Variants in FAM83G observed in about 807,000 individuals in gnomAD.
The protein encoded by FAM83G is scaffolding CK1 anchoring protein G.
Under a neutral mutation model 61.5 loss-of-function variants are expected in FAM83G, and 38 were observed. That is an observed-to-expected ratio of 0.62 (90% CI 0.48 to 0.81). The LOEUF is 0.81. Ranked by LOEUF, FAM83G falls within the 30% of genes least tolerant of loss-of-function variation. FAM83G has a pLI of 0.00. For synonymous variants in FAM83G, 470 were observed against 476.1 expected (o/e 0.99, Z 0.17); for missense variants, 989 against 1,133.6 (o/e 0.87, Z 1.83).
chr17:18,978,353 T>A lies in FAM83G; in HGVS notation c.1313A>T (p.Asn438Ile). 6.3e-7 allele frequency: 1 copy of A among 1,599,536 alleles called. No individual in the cohort carries two copies. Among genetic ancestry groups the A allele is most frequent in the South Asian group, 1.1e-5 (1 of 89,454 alleles). Residue 438 changes from asparagine to isoleucine, a missense_variant, in exon 5 of 6, where the codon AAC (asparagine) becomes ATC (isoleucine). Asn to Ile is a moderately radical substitution (Grantham distance 149, BLOSUM62 -3). Coordinates refer to ENST00000388995, the MANE Select transcript of FAM83G (RefSeq NM_001039999.3). ...YINIIDPNIW[N>I]PQPSQMNRIK... ...GCGGTTCATCTGGCTGGGCTGGGGGTTCCAGATGTTGGGGTCGATGATATT... is the reference window on the plus strand; with the variant it reads ...GCGGTTCATCTGGCTGGGCTGGGGGATCCAGATGTTGGGGTCGATGATATT...
rs898774747 is a variant in FAM83G at position 18,971,010 on chromosome 17, C to T, written c.*349G>A. The T allele has an allele frequency of 1.9e-6, 3 of 1,613,894 alleles. No individual in the cohort carries two copies. The highest frequency in any genetic ancestry group is 1.7e-6 in the Non-Finnish European group (2 of 1,180,016). ...TGTCCCTGTTCCACCCTGACCCCTC[C>T]AGCTTTTGACCAGATCGGTGGTTAC... is the stretch of plus-strand genomic sequence containing the variant. On this transcript the variant is annotated 3_prime_UTR_variant, in exon 6 of 6. Transcript: ENST00000388995. This position sits in a 1 kb window ranked among gnomAD's most constrained non-coding sequence, Gnocchi z 5.5.
intron 3 of FAM83G, 69 bp downstream of exon 3, chr17:18,988,178 G>A (rs1004052708): frequency 1.1e-5 from 17 of 1,567,986 alleles, no homozygotes; most frequent in East Asian, 6.8e-5. Context: ...GCAGGTACTC[G>A]AAGTGTTTGT....
At chr17:18,984,894 C>A (rs141384248) in intron 3 of FAM83G, among the ~76,000 whole-genome samples, 10 of 152,364 alleles carry the variant, frequency 6.6e-5, no homozygotes, top group African/African-American at 2.4e-4. Context: ...CCACTGGGGC[C>A]GGCCAGGGCA....
At chr17:18,985,558 A>G (rs1290521998) in intron 3 of FAM83G, among the ~76,000 whole-genome samples, 1 of 152,130 alleles carries the variant, frequency 6.6e-6, no homozygotes, top group Admixed American at 6.5e-5. Context: ...GTCTGGGCCC[A>G]GCTAGCTCAA....
rs28479570 is a variant in FAM83G, at chr17:18,977,473, T to C, written c.2082+111A>G. On this transcript the variant is annotated intron_variant, in intron 5 of 5. Coordinates refer to ENST00000388995, the MANE Select transcript of FAM83G (RefSeq NM_001039999.3). ...AGTTTCCCCATCTGTAACAAGGGAA[T>C]TGAAGTCATCAGAGTCAGGGACATG... 1.3e-5 allele frequency: 14 copies of C among 1,097,540 alleles called. No individual in the cohort carries two copies. The African/African-American group carries it at 2.0e-4, about 16-fold the overall frequency. 68.0% of individuals were successfully genotyped at this position (1,097,540 alleles called of 1,614,324 possible). A position where few individuals can be genotyped will look rare whatever the true frequency, so the allele number is the denominator to read the frequency against.
intron 2 of FAM83G, among the ~76,000 whole-genome samples, chr17:18,992,838 T>C (rs999706800): frequency 1.3e-5 from 2 of 152,270 alleles, no homozygotes; most frequent in South Asian, 4.1e-4. Context: ...ACACATCTCA[T>C]TGCGCCCACA....
chr17:18,982,961 G>A (rs2043176019), intron 3 of FAM83G, among the ~76,000 whole-genome samples: 1 of 152,266 alleles, frequency 6.6e-6, no homozygotes, highest in South Asian at 2.1e-4. Context: ...CCACAGTACA[G>A]GTGGGGCCCT....
chr17:18,998,280 G>C (rs903365071), intron 2 of FAM83G, among the ~76,000 whole-genome samples: 3 of 152,242 alleles, frequency 2.0e-5, no homozygotes, highest in Admixed American at 1.3e-4. Flanking sequence ...CTATCACTGC[G>C]TCAAGACAAG....
Position 18,971,847 on chromosome 17 carries a change from T to C in FAM83G, c.2083-99A>G, listed in dbSNP as rs1350136166. 20 of 1,331,530 alleles carry C rather than the reference T, an allele frequency of 1.5e-5. No individual in the cohort carries two copies. Among genetic ancestry groups the C allele is most frequent in the Non-Finnish European group, 2.0e-5 (20 of 988,510 alleles). The allele number at this position is 1,331,530 out of a possible 1,614,324, so 82.5% of individuals were successfully genotyped here. ...GCACACAGGAGCCGGCAGGCCCGGG[T>C]TCGCCTCCTGGCTCTGCCATTCACC... On this transcript the variant is annotated intron_variant, in intron 5 of 5. Coordinates refer to ENST00000388995, the MANE Select transcript of FAM83G (RefSeq NM_001039999.3). This position sits in a 1 kb window ranked among gnomAD's most constrained non-coding sequence, Gnocchi z 5.5.
At position 18,977,652 on chromosome 17, in the gene FAM83G, G is replaced by C. The variant is rs377667225; in HGVS notation, c.2014C>G (p.Arg672Gly). 5 of 1,610,008 alleles carry C rather than the reference G, an allele frequency of 3.1e-6. No individual in the cohort carries two copies. Among genetic ancestry groups the C allele is most frequent in the Non-Finnish European group, 4.2e-6 (5 of 1,179,948 alleles). Residue 672 changes from arginine (R) to glycine (G), a missense_variant, in exon 5 of 6, where the codon CGG (arginine) becomes GGG (glycine). Physicochemically the swap from Arg to Gly is moderately radical, Grantham distance 125. This residue lies in a region of FAM83G where 574 missense variants were observed against 645.1 expected (regional missense o/e 0.89). Coordinates refer to ENST00000388995, the MANE Select transcript of FAM83G (RefSeq NM_001039999.3). ...AACGCATCTGCTTCTTCTCTTCCCCGACTCTGGGCCCATGGGGAGCCACCC... is the reference window on the plus strand; with the variant it reads ...AACGCATCTGCTTCTTCTCTTCCCCCACTCTGGGCCCATGGGGAGCCACCC... ...PQGGSPWAQS[R>G]GREEADALKR...
intron 2 of FAM83G, among the ~76,000 whole-genome samples, chr17:18,999,210 G>A (rs1309834860): frequency 2.6e-5 from 4 of 152,148 alleles, no homozygotes; most frequent in African/African-American, 7.2e-5. Flanking sequence ...CCCTGGAGGC[G>A]GAGGTTGCGG....
In FAM83G at chr17:18,977,726, C is replaced by G. The variant is rs200038747; in HGVS notation, c.1940G>C (p.Arg647Pro). Residue 647 changes from arginine to proline, a missense_variant, in exon 5 of 6, where the codon CGG (arginine) becomes CCG (proline). By Grantham distance (103) the Arg-to-Pro change is moderately radical. Coordinates refer to ENST00000388995, the MANE Select transcript of FAM83G (RefSeq NM_001039999.3). ...VANGPTPPPR[R>P]QLSAPHITRG... is the part of the protein sequence containing the mutation. ...GGTTATATGGGGGGCACTCAGCTGC[C>G]GGCGCGGTGGTGGGGTTGGCCCGTT... 1 of 1,608,152 alleles carries G rather than the reference C, an allele frequency of 6.2e-7. No homozygotes were observed. Among genetic ancestry groups the G allele is most frequent in the South Asian group, 1.1e-5 (1 of 90,316 alleles).
chr17:18,993,395 A>C (rs2043480498), intron 2 of FAM83G, among the ~76,000 whole-genome samples: 1 of 152,174 alleles, frequency 6.6e-6, no homozygotes. Flanking sequence ...CAGGCACAGC[A>C]ATGGAGTCTC....
rs111274831 is a variant in FAM83G at position 18,970,952 on chromosome 17, G to C, written c.*407C>G. The C allele has an allele frequency of 5.5e-3, 8,348 of 1,524,394 alleles. 379 individuals are homozygous for C. In the African/African-American group the frequency reaches 0.1, roughly 18 times the overall value. 94.4% of individuals were successfully genotyped at this position (1,524,394 alleles called of 1,614,324 possible). A position where few individuals can be genotyped will look rare whatever the true frequency, so the allele number is the denominator to read the frequency against. ...TCTTGTGAGATGAAGGCAGGGGGGA[G>C]CCCAGGGAGTCAGGGCCCCGCAACC... On this transcript the variant is annotated 3_prime_UTR_variant, in exon 6 of 6. Transcript: ENST00000388995.
chr17:18,975,590 A>T (rs181127699), intron 5 of FAM83G: 150 of 152,298 alleles, frequency 9.8e-4, no homozygotes, highest in African/African-American at 3.3e-3. Flanking sequence ...GCTACTTGGG[A>T]GGCTGAGGCA....
chr17:18,971,287 G>C lies in FAM83G; in HGVS notation c.*72C>G. 2.5e-6 allele frequency: 4 copies of C among 1,609,862 alleles called. No homozygotes were observed. The highest frequency in any genetic ancestry group is 3.4e-6 in the Non-Finnish European group (4 of 1,177,182). On this transcript the variant is annotated 3_prime_UTR_variant, in exon 6 of 6. Coordinates refer to ENST00000388995, the MANE Select transcript of FAM83G (RefSeq NM_001039999.3). The surrounding 1 kb of genome is among the most constrained non-coding windows in gnomAD (Gnocchi z 5.5). Reference sequence around the variant, plus strand: ...CAGTGGGCTCTGGTAGGCCCAGGCGGCCTGTCTGCCCTCCGCGTCATGAGT... The same window carrying C: ...CAGTGGGCTCTGGTAGGCCCAGGCGCCCTGTCTGCCCTCCGCGTCATGAGT...
intron 2 of FAM83G, among the ~76,000 whole-genome samples, chr17:18,998,450 A>G (rs2043625491): frequency 6.6e-6 from 1 of 152,164 alleles, no homozygotes; most frequent in African/African-American, 2.4e-5. Context: ...GTCCAGCCAC[A>G]CCTAAGACCC....
intron 3 of FAM83G, among the ~76,000 whole-genome samples, chr17:18,984,628 G>A (rs935510318): frequency 3.9e-5 from 6 of 152,228 alleles, no homozygotes; most frequent in East Asian, 1.9e-4. Context: ...TTGGCTGCAC[G>A]AAGTCAACTG....
chr17:18,972,499 G>A (rs1463483296), intron 5 of FAM83G, among the ~76,000 whole-genome samples: 1 of 152,180 alleles, frequency 6.6e-6, no homozygotes, highest in East Asian at 1.9e-4. Flanking sequence ...TCCCGACTCT[G>A]CTCTTCCTCT....
Sources: allele counts gnomAD v4.1 joint callset (sites outside exome capture counted in the v4.1 genomes callset), GRCh38; gene constraint gnomAD v4.1.1; regional missense constraint gnomAD v4.1.1; non-coding constraint Gnocchi (gnomAD v3.1); transcripts MANE v1.5; gene names NCBI Gene and HGNC (gene_info 2026-07-23, HGNC 2026-07-21).